The following PDZK1 variants were observed in gnomAD, a reference collection of about 807,000 sequenced individuals.
The protein encoded by PDZK1 is Na(+)/H(+) exchange regulatory cofactor NHE-RF3.
PDZK1 carries 23 observed loss-of-function variants against 38.1 expected under a neutral mutation model. The observed-to-expected ratio is 0.60, with a 90% confidence interval of 0.43 to 0.85. PDZK1 has a LOEUF of 0.85. PDZK1 is among the 40% of genes least tolerant of loss of function. The probability of loss-of-function intolerance (pLI) is 0.00; values close to 1 mark genes in which losing one functional copy is unlikely to be tolerated. For missense variants in PDZK1, 297 were observed against 504.3 expected (o/e 0.59, Z 3.94); for synonymous variants, 98 against 186.2 (o/e 0.53, Z 3.86).
At chr1:145,676,651 G>A (rs1380561907) in intron 6 of PDZK1, among the ~76,000 whole-genome samples, 9 of 149,240 alleles carry the variant, frequency 6.0e-5, no homozygotes, top group Admixed American at 2.7e-4. Context: ...GCTTGAACCC[G>A]GGAGGTGGAG....
At position 145,671,154 on chromosome 1, in the gene PDZK1, A is replaced by G; in HGVS notation, c.*282T>C. The stretch of plus-strand genomic sequence containing the variant: ...AGAAGTAAGAGACATCATCATACAG[A>G]GAAATGTAGTTAAGTTAAGTTGAAG... On this transcript the variant is annotated 3_prime_UTR_variant, in exon 9 of 9. Coordinates refer to ENST00000417171, the MANE Select transcript of PDZK1 (RefSeq NM_001201325.2). 1.1e-6 allele frequency: 1 copy of G among 907,352 alleles called. No homozygotes were observed. The highest frequency in any genetic ancestry group is 1.8e-5 in the South Asian group (1 of 56,352). The allele number at this position is 907,352 out of a possible 1,614,324, so 56.2% of individuals were successfully genotyped here.
At chr1:145,676,692 C>G (rs1653712551) in intron 6 of PDZK1, among the ~76,000 whole-genome samples, 1 of 147,814 alleles carries the variant, frequency 6.8e-6, no homozygotes, top group Non-Finnish European at 1.5e-5. Flanking sequence ...CACCACTGCA[C>G]TCCAGCCTGG....
intron 1 of PDZK1, among the ~76,000 whole-genome samples, chr1:145,704,395 T>C (rs1442934233): frequency 6.6e-6 from 1 of 152,202 alleles, no homozygotes; most frequent in Non-Finnish European, 1.5e-5. Context: ...TAGGGCTATC[T>C]TTTCTACTTT....
intron 5 of PDZK1, among the ~76,000 whole-genome samples, chr1:145,680,485 C>CGG (rs1223297954): frequency 6.6e-6 from 1 of 151,894 alleles, no homozygotes; most frequent in African/African-American, 2.4e-5. Context: ...TCAGGTCCAG[C>CGG]GGTGTGCTAT....
At chr1:145,684,307 C>A (rs1296443102) in intron 3 of PDZK1, among the ~76,000 whole-genome samples, 27 of 150,136 alleles carry the variant, frequency 1.8e-4, no homozygotes, top group African/African-American at 6.1e-4. Flanking sequence ...CTCCCGGGTT[C>A]ACACCATTCT....
intron 1 of PDZK1, among the ~76,000 whole-genome samples, chr1:145,702,651 T>C (rs1172798944): frequency 6.6e-6 from 1 of 152,156 alleles, no homozygotes; most frequent in African/African-American, 2.4e-5. Context: ...CCCAGCACTT[T>C]GGGAGGCCAA....
At chr1:145,685,982 G>T (rs1172544034) in intron 3 of PDZK1, among the ~76,000 whole-genome samples, 1 of 152,150 alleles carries the variant, frequency 6.6e-6, no homozygotes, top group African/African-American at 2.4e-5. Context: ...CTCAGCAAAG[G>T]TAACAGTGCC....
At chr1:145,677,699 G>A (rs1488396475) in intron 6 of PDZK1, among the ~76,000 whole-genome samples, 2 of 149,486 alleles carry the variant, frequency 1.3e-5, no homozygotes, top group Admixed American at 1.3e-4. Flanking sequence ...TCTAAGCTTC[G>A]GTTTCCTAAT....
intron 6 of PDZK1, among the ~76,000 whole-genome samples, chr1:145,676,458 G>A (rs1162071446): frequency 1.3e-5 from 2 of 151,714 alleles, no homozygotes; most frequent in East Asian, 1.9e-4. Flanking sequence ...TGTGTGGCCC[G>A]GGCGTGTTGG....
chr1:145,706,756 G>GCCTGGGGAATGTATGTT, intron 1 of PDZK1, among the ~76,000 whole-genome samples: 1 of 152,224 alleles, frequency 6.6e-6, no homozygotes, highest in Non-Finnish European at 1.5e-5. Flanking sequence ...AAAGGTGAGA[G>GCCTGGGGAATGTATGTT]CCTGGGGAAT....
At chr1:145,675,753 A>T (rs1300093067) in intron 6 of PDZK1, among the ~76,000 whole-genome samples, 1 of 152,108 alleles carries the variant, frequency 6.6e-6, no homozygotes, top group African/African-American at 2.4e-5. Context: ...TTGGTGGCTC[A>T]TGCCTGAAAT....
chr1:145,674,387 A>G (rs1239071178), intron 6 of PDZK1: 41 of 495,226 alleles, frequency 8.3e-5, no homozygotes, highest in Non-Finnish European at 1.0e-4. Context: ...TTAGATGCCA[A>G]CTTGACTGGA....
chr1:145,674,607 C>T (rs1360029172), intron 6 of PDZK1, among the ~76,000 whole-genome samples: 2 of 152,150 alleles, frequency 1.3e-5, no homozygotes, highest in African/African-American at 2.4e-5. Flanking sequence ...GATCTACAGC[C>T]GCAGCCCCCC....
chr1:145,700,291 G>A (rs372816932), intron 1 of PDZK1, among the ~76,000 whole-genome samples: 1 of 152,066 alleles, frequency 6.6e-6, no homozygotes, highest in Admixed American at 6.6e-5. Context: ...TAAAAGCCAG[G>A]GAATTACAAA....
At chr1:145,702,899 AAAG>A (rs1319177050) in intron 1 of PDZK1, among the ~76,000 whole-genome samples, 15 of 152,258 alleles carry the variant, frequency 9.9e-5, no homozygotes, top group African/African-American at 3.6e-4. Context: ...TCTCAAAAAA[AAAG>A]AAGTTCAAGC....
At chr1:145,706,503 A>G (rs1656256633) in intron 1 of PDZK1, among the ~76,000 whole-genome samples, 1 of 152,204 alleles carries the variant, frequency 6.6e-6, no homozygotes, top group Admixed American at 6.5e-5. Context: ...TTTAGTAAAT[A>G]AAGAAGAATG....
intron 1 of PDZK1, among the ~76,000 whole-genome samples, chr1:145,688,682 C>T (rs1169366104): frequency 6.6e-6 from 1 of 152,088 alleles, no homozygotes; most frequent in African/African-American, 2.4e-5. Flanking sequence ...TTAAAAAAGG[C>T]AGGCACAGTG....
intron 5 of PDZK1, among the ~76,000 whole-genome samples, chr1:145,680,223 A>G (rs1427396109): frequency 4.6e-5 from 7 of 152,144 alleles, no homozygotes; most frequent in Non-Finnish European, 1.0e-4. Context: ...TGTCTGCTTC[A>G]TATGATATTC....
intron 1 of PDZK1, among the ~76,000 whole-genome samples, chr1:145,700,372 C>T (rs181760391): frequency 1.2e-4 from 18 of 152,310 alleles, no homozygotes; most frequent in Admixed American, 7.8e-4. Context: ...CAAGACTAAG[C>T]TGGCCAGAGA....
Sources: allele counts gnomAD v4.1 joint callset (sites outside exome capture counted in the v4.1 genomes callset), GRCh38; gene constraint gnomAD v4.1.1; transcripts MANE v1.5; gene names NCBI Gene and HGNC (gene_info 2026-07-23, HGNC 2026-07-21).